ZNF174: variants seen among roughly 807,000 people sequenced by gnomAD.
ZNF174 encodes the protein zinc finger protein 174.
ZNF174 carries 30 observed loss-of-function variants against 38.7 expected under a neutral mutation model. The observed-to-expected ratio is 0.78, with a 90% CI of 0.58 to 1.05. The LOEUF (loss-of-function observed/expected upper bound fraction) is 1.05, where lower values mean the gene tolerates loss of function less well. ZNF174 is among the 50% of genes least tolerant of loss of function. The pLI is 0.00. For missense variants in ZNF174, 499 were observed against 495.6 expected (o/e 1.01, Z -0.06); for synonymous variants, 201 against 181.7 (o/e 1.11, Z -0.86).
chr16:3,404,969 G>T, intron 2 of ZNF174: 1 of 1,614,126 alleles, frequency 6.2e-7, no homozygotes, highest in Non-Finnish European at 8.5e-7. Context: ...TGCAAGCTAT[G>T]GCTGAGTTTC....
chr16:3,402,464 T>TC, intron 1 of ZNF174, 58 bp downstream of exon 1: 2 of 1,526,930 alleles, frequency 1.3e-6, no homozygotes, highest in Non-Finnish European at 1.8e-6. Context: ...TTTTTTTTTT[T>TC]TTTTCTTTTT....
Position 3,401,927 on chromosome 16 carries a change from A to G in ZNF174, c.-78A>G. On this transcript the variant is annotated 5_prime_UTR_variant, in exon 1 of 3. Transcript: ENST00000268655. Reference sequence around the variant, plus strand: ...CCTTCGTTTCTAGAATCTTTCTAGTATTCAGAGACTTCTCCAGGGTCATGA... The same window carrying G: ...CCTTCGTTTCTAGAATCTTTCTAGTGTTCAGAGACTTCTCCAGGGTCATGA... 1 of 1,529,278 alleles carries G rather than the reference A, an allele frequency of 6.5e-7. No individual in the cohort carries two copies. The highest frequency in any genetic ancestry group is 8.8e-7 in the Non-Finnish European group (1 of 1,134,106). 94.7% of individuals were successfully genotyped at this position (1,529,278 alleles called of 1,614,324 possible).
intron 2 of ZNF174, among the ~76,000 whole-genome samples, chr16:3,405,935 G>A (rs960934557): frequency 6.6e-6 from 1 of 152,182 alleles, no homozygotes; most frequent in Non-Finnish European, 1.5e-5. Flanking sequence ...TTCAACCTGG[G>A]AGGTCGAGGC....
chr16:3,407,154 C>T (rs2034067644), intron 2 of ZNF174, among the ~76,000 whole-genome samples: 1 of 152,198 alleles, frequency 6.6e-6, no homozygotes, highest in African/African-American at 2.4e-5. Flanking sequence ...GCCCATTCCT[C>T]ATAAATGGTG....
chr16:3,407,563 C>A (rs577297814), intron 2 of ZNF174, among the ~76,000 whole-genome samples: 1 of 152,112 alleles, frequency 6.6e-6, no homozygotes, highest in Non-Finnish European at 1.5e-5. Flanking sequence ...TTCAAGTACC[C>A]AGTAGCCACA....
Position 3,401,872 on chromosome 16 carries a change from C to A in ZNF174, c.-133C>A. 1 of 1,134,050 alleles carries A rather than the reference C, an allele frequency of 8.8e-7. No individual in the cohort carries two copies. The highest frequency in any genetic ancestry group is 1.3e-6 in the Non-Finnish European group (1 of 797,750). 70.2% of individuals were successfully genotyped at this position (1,134,050 alleles called of 1,614,324 possible). The stretch of plus-strand genomic sequence containing the variant: ...GCTAGCAAGTGAGGCTTTGTCTCTG[C>A]ATCCCGTTCCCCCTAACATCCTCAG... On this transcript the variant is annotated 5_prime_UTR_variant, in exon 1 of 3. Coordinates refer to ENST00000268655, the MANE Select transcript of ZNF174 (RefSeq NM_003450.3).
Position 3,408,994 on chromosome 16 carries a change from C to G in ZNF174, c.*75C>G. On this transcript the variant is annotated 3_prime_UTR_variant, in exon 3 of 3. Transcript: ENST00000268655. Reference sequence around the variant, plus strand: ...CTCCCCCTTACTTGCATGTAAATCACAAAAACTGTGTGACTTACAAGGAAA... The same window carrying G: ...CTCCCCCTTACTTGCATGTAAATCAGAAAAACTGTGTGACTTACAAGGAAA... The G allele has an allele frequency of 7.2e-7, 1 of 1,398,234 alleles. No homozygotes were observed. The highest frequency in any genetic ancestry group is 1.4e-5 in the South Asian group (1 of 73,210). 86.6% of individuals were successfully genotyped at this position (1,398,234 alleles called of 1,614,324 possible).
Position 3,402,319 on chromosome 16 carries a change from G to A in ZNF174, c.315G>A (p.Arg105=). The A allele has an allele frequency of 6.2e-7, 1 of 1,614,076 alleles. No homozygotes were observed. Residue 105 remains arginine (R), a synonymous_variant, in exon 1 of 3, where the codon CGG becomes CGA. Coordinates refer to ENST00000268655, the MANE Select transcript of ZNF174 (RefSeq NM_003450.3). ...LTILPPEIQA[R]VRHRCPMSSK... ...TCCTGCCCCCGGAGATCCAGGCTCG[G>A]GTCAGGCATCGATGTCCAATGAGCA...
chr16:3,408,966 C>G lies in ZNF174; in HGVS notation c.*47C>G. The G allele has an allele frequency of 1.3e-6, 2 of 1,512,820 alleles. No homozygotes were observed. Among genetic ancestry groups the G allele is most frequent in the African/African-American group, 2.8e-5 (2 of 72,058 alleles). 93.7% of individuals were successfully genotyped at this position (1,512,820 alleles called of 1,614,324 possible). ...ATTCACACGGAAGGTGTTTGTGTTTCTCCTCCCCCTTACTTGCATGTAAAT... is the reference window on the plus strand; with the variant it reads ...ATTCACACGGAAGGTGTTTGTGTTTGTCCTCCCCCTTACTTGCATGTAAAT... On this transcript the variant is annotated 3_prime_UTR_variant, in exon 3 of 3. Coordinates refer to ENST00000268655, the MANE Select transcript of ZNF174 (RefSeq NM_003450.3).
Position 3,401,721 on chromosome 16 carries a change from T to C in ZNF174, c.-284T>C. On this transcript the variant is annotated 5_prime_UTR_variant, in exon 1 of 3. Coordinates refer to ENST00000268655, the MANE Select transcript of ZNF174 (RefSeq NM_003450.3). ...GCTTGCTACTGAAATAAAAGAAGTA[T>C]TTTTTCCCCAGAGTCCTTTTAGGAC... is the stretch of plus-strand genomic sequence containing the variant. 1 of 346,670 alleles carries C rather than the reference T, an allele frequency of 2.9e-6. No individual in the cohort carries two copies. Among genetic ancestry groups the C allele is most frequent in the South Asian group, 3.2e-5 (1 of 31,098 alleles). 21.5% of individuals were successfully genotyped at this position (346,670 alleles called of 1,614,324 possible). A position where few individuals can be genotyped will look rare whatever the true frequency, so the allele number is the denominator to read the frequency against.
At chr16:3,407,308 ATG>A (rs1460204875) in intron 2 of ZNF174, among the ~76,000 whole-genome samples, 1 of 152,100 alleles carries the variant, frequency 6.6e-6, no homozygotes, top group Non-Finnish European at 1.5e-5. Flanking sequence ...CTGTCAATAT[ATG>A]TGTGTCAGGG....
intron 2 of ZNF174, chr16:3,405,061 G>C (rs2034036243): frequency 1.1e-5 from 17 of 1,570,884 alleles, no homozygotes; most frequent in Non-Finnish European, 1.5e-5. Context: ...GTCCTCCTCT[G>C]TGATGTTGCT....
chr16:3,405,051 G>T, intron 2 of ZNF174: 2 of 1,582,842 alleles, frequency 1.3e-6, no homozygotes, highest in South Asian at 2.3e-5. Flanking sequence ...TTATATCTTT[G>T]TCCTCCTCTG....
Position 3,408,974 on chromosome 16 carries a change from C to T in ZNF174, c.*55C>T, listed in dbSNP as rs1399326306. 2.0e-6 allele frequency: 3 copies of T among 1,485,368 alleles called. No individual in the cohort carries two copies. Among genetic ancestry groups the T allele is most frequent in the South Asian group, 1.3e-5 (1 of 76,462 alleles). 92.0% of individuals were successfully genotyped at this position (1,485,368 alleles called of 1,614,324 possible). ...GGAAGGTGTTTGTGTTTCTCCTCCC[C>T]CTTACTTGCATGTAAATCACAAAAA... On this transcript the variant is annotated 3_prime_UTR_variant, in exon 3 of 3. Transcript: ENST00000268655.
In ZNF174 at chr16:3,401,974, A is replaced by T. The variant is rs2033917788; in HGVS notation, c.-31A>T. On this transcript the variant is annotated 5_prime_UTR_variant, in exon 1 of 3. Coordinates refer to ENST00000268655, the MANE Select transcript of ZNF174 (RefSeq NM_003450.3). Reference sequence around the variant, plus strand: ...ATGATCCCAAAGGCTTAACCCGTTTACAAGGAGAGAGTTGTCTCCTGACGC... The same window carrying T: ...ATGATCCCAAAGGCTTAACCCGTTTTCAAGGAGAGAGTTGTCTCCTGACGC... The T allele has an allele frequency of 6.2e-7, 1 of 1,603,252 alleles. No individual in the cohort carries two copies. The highest frequency in any genetic ancestry group is 1.4e-5 in the African/African-American group (1 of 73,776).
intron 2 of ZNF174, among the ~76,000 whole-genome samples, chr16:3,405,274 T>C (rs1186168056): frequency 6.6e-6 from 1 of 152,228 alleles, no homozygotes; most frequent in African/African-American, 2.4e-5. Context: ...TTCTTAATAT[T>C]TGCTACATCC....
chr16:3,401,920 T>G lies in ZNF174; in HGVS notation c.-85T>G. The G allele has an allele frequency of 2.7e-6, 4 of 1,502,950 alleles. No individual in the cohort carries two copies. The highest frequency in any genetic ancestry group is 3.6e-6 in the Non-Finnish European group (4 of 1,113,272). 93.1% of individuals were successfully genotyped at this position (1,502,950 alleles called of 1,614,324 possible). On this transcript the variant is annotated 5_prime_UTR_variant, in exon 1 of 3. Coordinates refer to ENST00000268655, the MANE Select transcript of ZNF174 (RefSeq NM_003450.3). Reference sequence around the variant, plus strand: ...CAGAGAACCTTCGTTTCTAGAATCTTTCTAGTATTCAGAGACTTCTCCAGG... The same window carrying G: ...CAGAGAACCTTCGTTTCTAGAATCTGTCTAGTATTCAGAGACTTCTCCAGG...
chr16:3,404,995 C>G (rs777842367), intron 2 of ZNF174: 3 of 1,613,678 alleles, frequency 1.9e-6, no homozygotes, highest in Non-Finnish European at 2.5e-6. Context: ...TTAAAATGCT[C>G]CTCTGTTTAG....
chr16:3,405,100 C>A, intron 2 of ZNF174: 1 of 1,487,236 alleles, frequency 6.7e-7, no homozygotes, highest in South Asian at 1.3e-5. Flanking sequence ...ATCTATTTCC[C>A]TTTCTCTGGT....
Sources: allele counts gnomAD v4.1 joint callset (sites outside exome capture counted in the v4.1 genomes callset), GRCh38; gene constraint gnomAD v4.1.1; transcripts MANE v1.5; gene names NCBI Gene and HGNC (gene_info 2026-07-23, HGNC 2026-07-21).